The following DPP3 variants were observed in gnomAD, a reference collection of about 807,000 sequenced individuals.
DPP3 encodes dipeptidyl peptidase 3.
DPP3 carries 64 observed loss-of-function variants against 89.8 expected under a neutral mutation model. The ratio of observed to expected loss-of-function variants is 0.71; its 90% CI spans 0.58 to 0.88. The LOEUF (loss-of-function observed/expected upper bound fraction) is 0.88. Ranked by LOEUF, DPP3 falls within the 40% of genes least tolerant of loss-of-function variation. The probability of loss-of-function intolerance (pLI) is 0.00; values close to 1 mark genes in which losing one functional copy is unlikely to be tolerated. For missense variants in DPP3, 835 were observed against 972.5 expected (o/e 0.86, Z 1.88); for synonymous variants, 377 against 404.3 (o/e 0.93, Z 0.81).
At chr11:66,480,711 T>TC (rs919170971) in intron 1 of DPP3, 14 of 406,996 alleles carry the variant, frequency 3.4e-5, no homozygotes, top group African/African-American at 2.9e-4. Context: ...GGCTGGACAC[T>TC]CTGTCCCAGC....
intron 1 of DPP3, 154 bp downstream of exon 1, chr11:66,480,619 G>A (rs1027208283): frequency 2.2e-6 from 2 of 889,872 alleles, no homozygotes; most frequent in Non-Finnish European, 3.1e-6. Context: ...GTGCTCCGGG[G>A]AGCAAAGAGT....
intron 16 of DPP3, among the ~76,000 whole-genome samples, chr11:66,504,356 A>G (rs999900318): frequency 4.6e-5 from 7 of 151,976 alleles, no homozygotes; most frequent in Non-Finnish European, 1.0e-4. Context: ...CCAAGGTACT[A>G]AGATTACAGG....
At chr11:66,487,838 T>A in intron 5 of DPP3, 76 bp from the exon 6 acceptor site, 1 of 1,383,248 alleles carries the variant, frequency 7.2e-7, no homozygotes. Context: ...TCCCCTAGGG[T>A]TGACCCATTT....
intron 16 of DPP3, among the ~76,000 whole-genome samples, chr11:66,498,651 A>T (rs554249433): frequency 1.1e-4 from 16 of 152,326 alleles, no homozygotes; most frequent in African/African-American, 3.8e-4. Context: ...CCCAGAGAGA[A>T]GGTTTGATAA....
At chr11:66,503,440 T>C (rs1855727768) in intron 16 of DPP3, among the ~76,000 whole-genome samples, 1 of 152,222 alleles carries the variant, frequency 6.6e-6, no homozygotes, top group Non-Finnish European at 1.5e-5. Context: ...AGTAGAACTA[T>C]TCTTGTTTAG....
rs1023745183 is a variant in DPP3 at position 66,496,881 on chromosome 11, A to G, written c.1699-417A>G. Among the ~76,000 whole-genome samples, 6 of 152,090 alleles carry G rather than the reference A, an allele frequency of 3.9e-5. No individual in the cohort carries two copies. In the East Asian group the frequency reaches 9.6e-4, roughly 24 times the overall value. On this transcript the variant is annotated intron_variant, in intron 15 of 17. Coordinates refer to ENST00000531863, the MANE Select transcript of DPP3 (RefSeq NM_130443.4). The stretch of plus-strand genomic sequence containing the variant: ...TGGGCCTCTGTTTTATCATCTGTAA[A>G]CTGGGGATAATGATGCCTACTTGGT...
intron 4 of DPP3, 50 bp downstream of exon 4, chr11:66,486,727 A>G: frequency 7.0e-7 from 1 of 1,436,722 alleles, no homozygotes; most frequent in South Asian, 1.6e-5. Context: ...GGAATCCTTC[A>G]AGGCCACCTG....
At chr11:66,487,407 C>T in intron 5 of DPP3, 65 bp downstream of exon 5, 1 of 1,519,588 alleles carries the variant, frequency 6.6e-7, no homozygotes, top group South Asian at 1.1e-5. Context: ...AGCCCCCTCA[C>T]AACTGGTGAC....
chr11:66,482,501 T>A (rs1555040678), intron 2 of DPP3, 31 bp downstream of exon 2: 1 of 1,589,418 alleles, frequency 6.3e-7, no homozygotes, highest in Non-Finnish European at 8.5e-7. Context: ...CCACATTACC[T>A]GAGTGGCTTC....
intron 6 of DPP3, among the ~76,000 whole-genome samples, chr11:66,490,323 A>T (rs762799995): frequency 6.6e-6 from 1 of 152,224 alleles, no homozygotes; most frequent in Non-Finnish European, 1.5e-5. Context: ...CCACAAATTT[A>T]CTGGCACAAA....
chr11:66,492,640 C>G, intron 9 of DPP3, 76 bp from the exon 10 acceptor site: 3 of 1,489,610 alleles, frequency 2.0e-6, no homozygotes, highest in Non-Finnish European at 2.7e-6. Context: ...TCAGTACATG[C>G]GTGATGGCTG....
At chr11:66,502,206 A>G (rs1855694803) in intron 16 of DPP3, among the ~76,000 whole-genome samples, 1 of 152,028 alleles carries the variant, frequency 6.6e-6, no homozygotes, top group African/African-American at 2.4e-5. Context: ...AGAAAGTACA[A>G]TATCAAGGAT....
intron 9 of DPP3, among the ~76,000 whole-genome samples, chr11:66,492,158 G>A (rs765749068): frequency 3.3e-5 from 5 of 152,218 alleles, no homozygotes; most frequent in African/African-American, 7.2e-5. Context: ...CAAATAGCCA[G>A]ACCTCTGAGC....
Position 66,493,283 on chromosome 11 carries a change from G to A in DPP3, c.1296+104G>A, listed in dbSNP as rs1039413032. 7.7e-6 allele frequency: 8 copies of A among 1,037,976 alleles called. No individual in the cohort carries two copies. The African/African-American group carries it at 1.3e-4, about 17-fold the overall frequency. The allele number at this position is 1,037,976 out of a possible 1,614,324, so 64.3% of individuals were successfully genotyped here. On this transcript the variant is annotated intron_variant, in intron 11 of 17. Coordinates refer to ENST00000531863, the MANE Select transcript of DPP3 (RefSeq NM_130443.4). The stretch of plus-strand genomic sequence containing the variant: ...GTAGAGAGGAAAGCACATAGCTTCA[G>A]TCCTGGCTCTGCCACTTCCCAACCA...
Position 66,482,367 on chromosome 11 carries a change from C to T in DPP3, c.167C>T (p.Ala56Val). The change falls in exon 2 of 18, where the codon GCC becomes GTC. Residue 56 changes from alanine (A) to valine (V), a missense_variant. Transcript: ENST00000531863. ...LAVLLQTSPE[A>V]PYIYALLSRL... Reference sequence around the variant, plus strand: ...GTGCTGCTTCAGACCTCCCCTGAGGCCCCCTACATCTATGCTCTGCTCAGC... The same window carrying T: ...GTGCTGCTTCAGACCTCCCCTGAGGTCCCCTACATCTATGCTCTGCTCAGC... The T allele has an allele frequency of 1.2e-6, 2 of 1,612,672 alleles. No homozygotes were observed. Among genetic ancestry groups the T allele is most frequent in the Non-Finnish European group, 1.7e-6 (2 of 1,180,028 alleles).
intron 15 of DPP3, among the ~76,000 whole-genome samples, chr11:66,496,584 T>C (rs565404609): frequency 8.6e-5 from 13 of 151,982 alleles, no homozygotes; most frequent in Non-Finnish European, 1.6e-4. Flanking sequence ...CCAGCTAATT[T>C]TTTGTATTTT....
At position 66,507,896 on chromosome 11, in the gene DPP3, C is replaced by T. The variant is rs190481425; in HGVS notation, c.2042-1183C>T. ...TTCACCATGTTGGCCAGGCTAATCT[C>T]GAACTCCTGACCTCAAGTGATCCAC... On this transcript the variant is annotated intron_variant, in intron 17 of 17. Transcript: ENST00000531863. Among the ~76,000 whole-genome samples, 1,155 of 152,128 alleles carry T rather than the reference C, an allele frequency of 7.6e-3. 18 individuals carry two copies. Among genetic ancestry groups the T allele is most frequent in the African/African-American group, 0.026 (1,085 of 41,498 alleles).
intron 4 of DPP3, 125 bp from the exon 5 acceptor site, chr11:66,487,140 GGTA>G: frequency 1.2e-6 from 1 of 830,236 alleles, no homozygotes; most frequent in Non-Finnish European, 2.0e-6. Context: ...TTCCCCTGGA[GGTA>G]GATGGAGGGG....
Position 66,495,345 on chromosome 11 carries a change from C to T in DPP3, c.1453-20C>T. The T allele has an allele frequency of 1.2e-6, 2 of 1,613,842 alleles. No homozygotes were observed. Among genetic ancestry groups the T allele is most frequent in the Non-Finnish European group, 1.7e-6 (2 of 1,179,864 alleles). On this transcript the variant is annotated intron_variant, in intron 13 of 17. Coordinates refer to ENST00000531863, the MANE Select transcript of DPP3 (RefSeq NM_130443.4). Reference sequence around the variant, plus strand: ...GGGGCAGTGGCCACCTTAAGCCCGACAGTGGAGCTCCTTTTCCAGATTCAG... The same window carrying T: ...GGGGCAGTGGCCACCTTAAGCCCGATAGTGGAGCTCCTTTTCCAGATTCAG...
Sources: allele counts gnomAD v4.1 joint callset (sites outside exome capture counted in the v4.1 genomes callset), GRCh38; gene constraint gnomAD v4.1.1; transcripts MANE v1.5; gene names NCBI Gene and HGNC (gene_info 2026-07-23, HGNC 2026-07-21).